Variants in VCPKMT observed in about 807,000 individuals in gnomAD.
VCPKMT encodes the protein valosin containing protein lysine methyltransferase, also known as protein N-lysine methyltransferase METTL21D.
VCPKMT carries 32 observed loss-of-function variants against 28.6 expected under a neutral mutation model. The ratio of observed to expected loss-of-function variants is 1.12; its 90% CI spans 0.84 to 1.50. The LOEUF is 1.50. VCPKMT is among the 40% of genes most tolerant of loss of function. VCPKMT has a pLI of 0.00. For missense variants in VCPKMT, 366 were observed against 285.0 expected (o/e 1.28, Z -2.05); for synonymous variants, 138 against 111.4 (o/e 1.24, Z -1.50).
downstream of VCPKMT, among the ~76,000 whole-genome samples, chr14:50,106,190 G>A (rs1882313098): frequency 6.6e-6 from 1 of 152,160 alleles, no homozygotes; most frequent in Admixed American, 6.5e-5. Context: ...TGATTAAACT[G>A]GACTGGGATA....
chr14:50,106,525 C>A, downstream of VCPKMT: 1 of 983,768 alleles, frequency 1.0e-6, no homozygotes, highest in Non-Finnish European at 1.2e-6. Context: ...ATTCATGCAT[C>A]ATTTCTCAGG....
In VCPKMT at chr14:50,111,475, A is replaced by C. The variant is rs893327137; in HGVS notation, c.675+1140T>G. On this transcript the variant is annotated intron_variant, in intron 5 of 5. Transcript: ENST00000395860. ...TTTACCACAAACATAATCAAAGCAA[A>C]GATGATAGAAAAAGTGTGGGCTTAT... 3 of 985,368 alleles carry C rather than the reference A, an allele frequency of 3.0e-6. No homozygotes were observed. The African/African-American group carries it at 5.2e-5, about 17-fold the overall frequency. 61.0% of individuals were successfully genotyped at this position (985,368 alleles called of 1,614,324 possible).
At position 50,109,122 on chromosome 14, in the gene VCPKMT, A is replaced by G. The variant is rs1882466898; in HGVS notation, c.*577T>C. The G allele has an allele frequency of 1.1e-6, 1 of 936,408 alleles. No homozygotes were observed. Among genetic ancestry groups the G allele is most frequent in the South Asian group, 4.9e-5 (1 of 20,494 alleles). The allele number at this position is 936,408 out of a possible 1,614,324, so 58.0% of individuals were successfully genotyped here. ...GGTGGAGGAAAAGAAAACTTTGGCT[A>G]ATATAAGTATACAAGACAATATCTC... On this transcript the variant is annotated 3_prime_UTR_variant, in exon 6 of 6. Coordinates refer to ENST00000395860, the MANE Select transcript of VCPKMT (RefSeq NM_024558.3).
chr14:50,112,563 G>A (rs1882763097), intron 5 of VCPKMT, 52 bp downstream of exon 5: 4 of 1,189,852 alleles, frequency 3.4e-6, no homozygotes, highest in Non-Finnish European at 4.8e-6. Flanking sequence ...CTGAAATAGT[G>A]TCCAGCTGAT....
At chr14:50,112,384 A>C (rs1479614261) in intron 5 of VCPKMT, among the ~76,000 whole-genome samples, 2 of 87,552 alleles carry the variant, frequency 2.3e-5, no homozygotes, top group Non-Finnish European at 4.5e-5. Context: ...GTCTCTACTT[A>C]AAAAATACGA....
At chr14:50,110,743 C>T (rs1298978092) in intron 5 of VCPKMT, among the ~76,000 whole-genome samples, 2 of 152,154 alleles carry the variant, frequency 1.3e-5, no homozygotes, top group Non-Finnish European at 2.9e-5. Context: ...TGTAGATGAA[C>T]GTCCATAGCA....
Position 50,116,295 on chromosome 14 carries a change from A to G in VCPKMT, c.258T>C (p.Ala86=), listed in dbSNP as rs1402148505. The change falls in exon 1 of 6, where the codon GCT becomes GCC. Residue 86 remains alanine (A), a synonymous_variant. Transcript: ENST00000395860. ...CGCCCGCCAGCTCTTACCCGAGGGT[A>G]GCAGCCATGAGCCCCACGGCCCCGG... is the stretch of plus-strand genomic sequence containing the variant. ...SGTGAVGLMA[A]TLGADVVVTD... The G allele has an allele frequency of 1.1e-5, 17 of 1,605,678 alleles. No homozygotes were observed. Among genetic ancestry groups the G allele is most frequent in the African/African-American group, 4.0e-5 (3 of 74,686 alleles).
downstream of VCPKMT, among the ~76,000 whole-genome samples, chr14:50,107,320 T>C (rs1882361974): frequency 7.4e-6 from 1 of 134,438 alleles, no homozygotes; most frequent in African/African-American, 2.7e-5. Context: ...CCTATTTGAC[T>C]TTTTTTTTTT....
intron 5 of VCPKMT, chr14:50,111,995 C>T (rs1175407114): frequency 1.0e-6 from 1 of 985,222 alleles, no homozygotes; most frequent in Non-Finnish European, 1.2e-6. Flanking sequence ...CAGGGTAAAA[C>T]ATGCACCAAG....
intron 4 of VCPKMT, among the ~76,000 whole-genome samples, chr14:50,112,955 T>C (rs1204400155): frequency 6.6e-6 from 1 of 152,126 alleles, no homozygotes; most frequent in Non-Finnish European, 1.5e-5. Context: ...ACCCAGCTAA[T>C]TTTTGTATTT....
At position 50,109,221 on chromosome 14, in the gene VCPKMT, G is replaced by T. The variant is rs1882474745; in HGVS notation, c.*478C>A. The T allele has an allele frequency of 1.1e-6, 1 of 895,002 alleles. No homozygotes were observed. Among genetic ancestry groups the T allele is most frequent in the African/African-American group, 1.8e-5 (1 of 55,534 alleles). The allele number at this position is 895,002 out of a possible 1,614,324, so 55.4% of individuals were successfully genotyped here. A position where few individuals can be genotyped will look rare whatever the true frequency, so the allele number is the denominator to read the frequency against. On this transcript the variant is annotated 3_prime_UTR_variant, in exon 6 of 6. Transcript: ENST00000395860. Reference sequence around the variant, plus strand: ...AAGAAATGAAGTGGAAAATACAAATGATAAATATTGTATAATTATGTACAA... The same window carrying T: ...AAGAAATGAAGTGGAAAATACAAATTATAAATATTGTATAATTATGTACAA...
At chr14:50,112,163 CTT>C (rs890305000) in intron 5 of VCPKMT, 6 of 650,006 alleles carry the variant, frequency 9.2e-6, no homozygotes, top group Non-Finnish European at 1.1e-5. Flanking sequence ...ATAAAAGAAA[CTT>C]ATAAATAGCT....
downstream of VCPKMT, among the ~76,000 whole-genome samples, chr14:50,107,321 T>A (rs1208246955): frequency 6.7e-6 from 1 of 148,736 alleles, no homozygotes; most frequent in African/African-American, 2.5e-5. Context: ...CTATTTGACT[T>A]TTTTTTTTTT....
chr14:50,114,539 G>T, intron 3 of VCPKMT, 135 bp from the exon 4 acceptor site: 1 of 596,050 alleles, frequency 1.7e-6, no homozygotes, highest in Non-Finnish European at 2.6e-6. Context: ...CAAAGCACAT[G>T]TAATTAAAGC....
Position 50,109,533 on chromosome 14 carries a change from G to C in VCPKMT, c.*166C>G. The C allele has an allele frequency of 1.5e-6, 2 of 1,317,098 alleles. No individual in the cohort carries two copies. Among genetic ancestry groups the C allele is most frequent in the South Asian group, 2.3e-5 (1 of 44,280 alleles). The allele number at this position is 1,317,098 out of a possible 1,614,324, so 81.6% of individuals were successfully genotyped here. On this transcript the variant is annotated 3_prime_UTR_variant, in exon 6 of 6. Transcript: ENST00000395860. Reference sequence around the variant, plus strand: ...GCAGGCAGGCAAGCAGGAATTTTTCGTATTGCAGACAGCCCCTGGTGGTCA... The same window carrying C: ...GCAGGCAGGCAAGCAGGAATTTTTCCTATTGCAGACAGCCCCTGGTGGTCA...
At position 50,112,621 on chromosome 14, in the gene VCPKMT, T is replaced by C; in HGVS notation, c.669A>G (p.Lys223=). ...EDIHIIYIRK[K]KSKFPS The stretch of plus-strand genomic sequence containing the variant: ...AACTGAGAATGTTATTTACCGATTT[T>C]TTCTTTCTGATGTATATAATATGAA... The change falls in exon 5 of 6, where the codon AAA becomes AAG. Residue 223 remains lysine (K), a synonymous_variant. Transcript: ENST00000395860. 1 of 1,534,678 alleles carries C rather than the reference T, an allele frequency of 6.5e-7. No individual in the cohort carries two copies. The highest frequency in any genetic ancestry group is 8.9e-7 in the Non-Finnish European group (1 of 1,128,556).
In VCPKMT at chr14:50,109,246, A is replaced by C; in HGVS notation, c.*453T>G. On this transcript the variant is annotated 3_prime_UTR_variant, in exon 6 of 6. Transcript: ENST00000395860. Reference sequence around the variant, plus strand: ...GATAAATATTGTATAATTATGTACAAAATGAAAACCTTTTAAACTCTGAAG... The same window carrying C: ...GATAAATATTGTATAATTATGTACACAATGAAAACCTTTTAAACTCTGAAG... The C allele has an allele frequency of 5.3e-6, 5 of 942,916 alleles. No individual in the cohort carries two copies. Among genetic ancestry groups the C allele is most frequent in the Non-Finnish European group, 6.3e-6 (5 of 790,814 alleles). 58.4% of individuals were successfully genotyped at this position (942,916 alleles called of 1,614,324 possible).
At chr14:50,110,126 A>C (rs542801911) in intron 5 of VCPKMT, among the ~76,000 whole-genome samples, 103 of 152,288 alleles carry the variant, frequency 6.8e-4, no homozygotes, top group African/African-American at 2.4e-3. Flanking sequence ...ACATGCCTTT[A>C]GTCCTAGCTA....
the VCPKMT span, among the ~76,000 whole-genome samples, chr14:50,103,303 A>G: frequency 2.6e-5 from 4 of 152,264 alleles, no homozygotes; most frequent in Non-Finnish European, 4.4e-5. Flanking sequence ...CACTCATTAC[A>G]CAGTGAAAGA....
Sources: allele counts gnomAD v4.1 joint callset (sites outside exome capture counted in the v4.1 genomes callset), GRCh38; gene constraint gnomAD v4.1.1; transcripts MANE v1.5; gene names NCBI Gene and HGNC (gene_info 2026-07-23, HGNC 2026-07-21).